Variants in LURAP1L observed in about 807,000 individuals in gnomAD.
LURAP1L encodes the protein leucine rich adaptor protein 1 like, also known as leucine rich adaptor protein 1-like.
LURAP1L carries 12 observed loss-of-function variants against 13.8 expected under a neutral mutation model. The ratio of observed to expected loss-of-function variants is 0.87; its 90% CI spans 0.56 to 1.41. LURAP1L has a LOEUF of 1.41. Ranked by LOEUF, LURAP1L falls within the 40% of genes most tolerant of loss-of-function variation. The pLI, the probability that LURAP1L is intolerant of heterozygous loss-of-function variation, is 0.00. For synonymous variants in LURAP1L, 139 were observed against 119.2 expected (o/e 1.17, Z -1.08); for missense variants, 375 against 292.9 (o/e 1.28, Z -2.04).
intron 1 of LURAP1L, among the ~76,000 whole-genome samples, chr9:12,782,022 C>A (rs1035400265): frequency 1.3e-5 from 2 of 152,152 alleles, no homozygotes; most frequent in South Asian, 4.1e-4. Context: ...ATGTTGAGCA[C>A]TTTTGAATAT....
chr9:12,814,774 T>G (rs1819782277), intron 1 of LURAP1L, among the ~76,000 whole-genome samples: 1 of 152,210 alleles, frequency 6.6e-6, no homozygotes, highest in Admixed American at 6.5e-5. Context: ...TGTATGTAAT[T>G]TAGTCCTTGG....
rs527460163 is a variant in LURAP1L, at chr9:12,814,007, G to T, written c.313-7379G>T. Among the ~76,000 whole-genome samples, 52 of 152,220 alleles carry T rather than the reference G, an allele frequency of 3.4e-4. 1 individual carries two copies. In the South Asian group the frequency reaches 0.01, roughly 30 times the overall value. On this transcript the variant is annotated intron_variant, in intron 1 of 1. Transcript: ENST00000319264. ...TATGGAATTGACAATAAAAAGTGCT[G>T]TATATTTTATTATTATCTGTCAAGT...
chr9:12,784,407 A>G (rs1819320890), intron 1 of LURAP1L, among the ~76,000 whole-genome samples: 1 of 152,338 alleles, frequency 6.6e-6, no homozygotes, highest in Admixed American at 6.5e-5. Flanking sequence ...TATTGCAGCC[A>G]TATCTGCCCA....
intron 1 of LURAP1L, among the ~76,000 whole-genome samples, chr9:12,788,148 G>GAATAAAGAAAGA (rs146580464): frequency 8.5e-6 from 1 of 117,330 alleles, no homozygotes; most frequent in Non-Finnish European, 1.7e-5. Context: ...GAAAGAGAAA[G>GAATAAAGAAAGA]AAGAAAGAAA....
intron 1 of LURAP1L, among the ~76,000 whole-genome samples, chr9:12,809,439 T>G (rs1819707703): frequency 6.6e-6 from 1 of 152,242 alleles, no homozygotes. Flanking sequence ...ATTATTTATG[T>G]TACAGTGTTT....
chr9:12,804,813 G>A (rs773553606), intron 1 of LURAP1L, among the ~76,000 whole-genome samples: 1 of 152,130 alleles, frequency 6.6e-6, no homozygotes, highest in African/African-American at 2.4e-5. Context: ...AAGGTAGTCC[G>A]AGTTAAATTA....
At chr9:12,785,052 C>G (rs141747337) in intron 1 of LURAP1L, among the ~76,000 whole-genome samples, 277 of 151,894 alleles carry the variant, frequency 1.8e-3, no homozygotes, top group Middle Eastern at 3.4e-3. Context: ...TACTCAAGGC[C>G]CAAGGGCTCT....
chr9:12,810,239 C>G (rs961918239), intron 1 of LURAP1L, among the ~76,000 whole-genome samples: 5 of 152,162 alleles, frequency 3.3e-5, no homozygotes, highest in African/African-American at 1.2e-4. Flanking sequence ...AGACTGGGTC[C>G]CTTTGGATTT....
chr9:12,811,401 A>C (rs1254266065), intron 1 of LURAP1L, among the ~76,000 whole-genome samples: 1 of 152,216 alleles, frequency 6.6e-6, no homozygotes, highest in African/African-American at 2.4e-5. Flanking sequence ...CATTTTTGTC[A>C]TTAATTATCA....
rs1242143103 is a variant in LURAP1L, at chr9:12,775,768, G to T, written c.53G>T (p.Arg18Leu). The change falls in exon 1 of 2, where the codon CGC becomes CTC. Residue 18 changes from arginine (R) to leucine (L), a missense_variant. Transcript: ENST00000319264. Reference sequence around the variant, plus strand: ...AGAGACATCGAGCTGAAGCTGGGGCGCAAAGTACCCGAGAGTCTAGTGCGC... The same window carrying T: ...AGAGACATCGAGCTGAAGCTGGGGCTCAAAGTACCCGAGAGTCTAGTGCGC... ...DLRDIELKLGRKVPESLVRSL... is the reference protein window; with the variant it reads ...DLRDIELKLGLKVPESLVRSL... 2 of 1,607,272 alleles carry T rather than the reference G, an allele frequency of 1.2e-6. No homozygotes were observed. The highest frequency in any genetic ancestry group is 1.7e-6 in the Non-Finnish European group (2 of 1,177,808).
At chr9:12,776,666 C>G (rs1819189827) in intron 1 of LURAP1L, among the ~76,000 whole-genome samples, 1 of 152,072 alleles carries the variant, frequency 6.6e-6, no homozygotes, top group East Asian at 1.9e-4. Flanking sequence ...TAGCTTGTTT[C>G]ACTATTTTGA....
rs756167380 is a variant in LURAP1L at position 12,775,845 on chromosome 9, G to C, written c.130G>C (p.Gly44Arg). The C allele has an allele frequency of 6.9e-6, 11 of 1,582,980 alleles. No homozygotes were observed. The highest frequency in any genetic ancestry group is 1.1e-5 in the South Asian group (1 of 89,476). Residue 44 changes from glycine (G) to arginine (R), a missense_variant, in exon 1 of 2, where the codon GGG becomes CGG. Transcript: ENST00000319264. ...VPRERDRDPC[G>R]GSGGGGGGGG... ...CAGGGAAAGGGACAGGGACCCCTGCGGGGGGAGCGGTGGTGGTGGCGGCGG... is the reference window on the plus strand; with the variant it reads ...CAGGGAAAGGGACAGGGACCCCTGCCGGGGGAGCGGTGGTGGTGGCGGCGG...
intron 1 of LURAP1L, among the ~76,000 whole-genome samples, chr9:12,780,893 T>C (rs1166862751): frequency 2.6e-5 from 4 of 152,178 alleles, no homozygotes; most frequent in Non-Finnish European, 4.4e-5. Flanking sequence ...GTTTGTTTGT[T>C]TAATCCATGA....
chr9:12,822,104 C>T lies in LURAP1L; in HGVS notation c.*344C>T. The T allele has an allele frequency of 5.1e-6, 1 of 195,492 alleles. No individual in the cohort carries two copies. The highest frequency in any genetic ancestry group is 1.2e-4 in the East Asian group (1 of 8,096). 12.1% of individuals were successfully genotyped at this position (195,492 alleles called of 1,614,324 possible). A position where few individuals can be genotyped will look rare whatever the true frequency, so the allele number is the denominator to read the frequency against. The stretch of plus-strand genomic sequence containing the variant: ...ACAAGAAAAACTTTGCTAAATTTTA[C>T]AATAAACCAAAGTCTGATAACAGTT... On this transcript the variant is annotated 3_prime_UTR_variant, in exon 2 of 2. Coordinates refer to ENST00000319264, the MANE Select transcript of LURAP1L (RefSeq NM_203403.2).
chr9:12,790,468 T>G (rs1819425580), intron 1 of LURAP1L, among the ~76,000 whole-genome samples: 1 of 152,190 alleles, frequency 6.6e-6, no homozygotes, highest in Non-Finnish European at 1.5e-5. Flanking sequence ...AGAAACCCAA[T>G]GCCTCCTCTG....
At chr9:12,793,760 T>A (rs991442018) in intron 1 of LURAP1L, among the ~76,000 whole-genome samples, 1 of 152,070 alleles carries the variant, frequency 6.6e-6, no homozygotes, top group Non-Finnish European at 1.5e-5. Context: ...AATCTCTTTA[T>A]TGAACGGTAG....
At chr9:12,804,935 C>T (rs936056013) in intron 1 of LURAP1L, among the ~76,000 whole-genome samples, 1 of 152,032 alleles carries the variant, frequency 6.6e-6, no homozygotes, top group African/African-American at 2.4e-5. Flanking sequence ...GGAACACAAA[C>T]ATGCTCATTC....
At chr9:12,804,679 A>T (rs887527486) in intron 1 of LURAP1L, among the ~76,000 whole-genome samples, 11 of 152,144 alleles carry the variant, frequency 7.2e-5, no homozygotes, top group Non-Finnish European at 1.6e-4. Flanking sequence ...ATTTTTTTTT[A>T]AATAGTAAAA....
At chr9:12,791,847 G>A (rs1480567364) in intron 1 of LURAP1L, among the ~76,000 whole-genome samples, 1 of 152,012 alleles carries the variant, frequency 6.6e-6, no homozygotes, top group Non-Finnish European at 1.5e-5. Flanking sequence ...TTCGTCCATC[G>A]TGTGTACACT....
Sources: allele counts gnomAD v4.1 joint callset (sites outside exome capture counted in the v4.1 genomes callset), GRCh38; gene constraint gnomAD v4.1.1; transcripts MANE v1.5; gene names NCBI Gene and HGNC (gene_info 2026-07-23, HGNC 2026-07-21).